QRICH2: variants seen among roughly 807,000 people sequenced by gnomAD.
The protein encoded by QRICH2 is glutamine-rich protein 2.
QRICH2 carries 119 observed loss-of-function variants against 168.3 expected under a neutral mutation model. The ratio of observed to expected loss-of-function variants is 0.71; its 90% CI spans 0.61 to 0.82. QRICH2 has a LOEUF of 0.82. Ranked by LOEUF, QRICH2 falls within the 40% of genes least tolerant of loss-of-function variation. The pLI, the probability that QRICH2 is intolerant of heterozygous loss-of-function variation, is 0.00. For missense variants in QRICH2, 2,241 were observed against 2,491.6 expected, an observed-to-expected ratio of 0.90 and a Z score of 2.14; for synonymous variants, 894 against 951.2, an observed-to-expected ratio of 0.94 and a Z score of 1.11.
intron 4 of QRICH2, among the ~76,000 whole-genome samples, chr17:76,290,518 C>G (rs1381435042): frequency 6.6e-6 from 1 of 152,030 alleles, no homozygotes; most frequent in Non-Finnish European, 1.5e-5. Context: ...GTAGCTGGGA[C>G]TACAGGTGTG....
In QRICH2 at chr17:76,284,168, C is replaced by CA. The variant is rs61553346; in HGVS notation, c.4012-2054dup. ...GGGCAACAGAGCAAAACTCTGTCTC[C>CA]AAAAAAAAAAAAAAAAAAAAAAAAA... On this transcript the variant is annotated intron_variant, in intron 7 of 18. Coordinates refer to ENST00000680821, the MANE Select transcript of QRICH2 (RefSeq NM_001388453.1). 4.2e-3 allele frequency among the ~76,000 whole-genome samples: 263 copies of CA among 62,692 alleles called. 7 individuals are homozygous for CA. Among genetic ancestry groups the CA allele is most frequent in the South Asian group, 9.0e-3 (22 of 2,458 alleles). 41.1% of individuals were successfully genotyped at this position (62,692 alleles called of 152,430 possible).
chr17:76,304,975 T>G (rs766602928), intron 1 of QRICH2, 34 bp from the exon 2 acceptor site: 10 of 1,507,696 alleles, frequency 6.6e-6, no homozygotes, highest in South Asian at 1.1e-5. Flanking sequence ...AGAATGACAG[T>G]GGCCCCTACA....
At chr17:76,300,613 T>A (rs749013622) in intron 3 of QRICH2, among the ~76,000 whole-genome samples, 3 of 152,150 alleles carry the variant, frequency 2.0e-5, no homozygotes, top group Non-Finnish European at 4.4e-5. Context: ...AATTGTGCGG[T>A]GTGCCTGCAT....
At chr17:76,276,894 G>C (rs1407854853) in intron 16 of QRICH2, 127 bp from the exon 17 acceptor site, 1 of 780,524 alleles carries the variant, frequency 1.3e-6, no homozygotes, top group African/African-American at 1.7e-5. Context: ...GGAGGCACTA[G>C]GGTGGAGCGA....
chr17:76,295,963 G>A (rs760251148), intron 3 of QRICH2, among the ~76,000 whole-genome samples: 6 of 152,192 alleles, frequency 3.9e-5, no homozygotes, highest in African/African-American at 1.2e-4. Context: ...AGTGGCTCAC[G>A]CCTGTAATCC....
chr17:76,280,778 TA>T lies in QRICH2; in HGVS notation c.4387-51del, dbSNP rs1186654333. 22 of 1,613,996 alleles carry T rather than the reference TA, an allele frequency of 1.4e-5. No individual in the cohort carries two copies. Among genetic ancestry groups the T allele is most frequent in the Non-Finnish European group, 1.8e-5 (21 of 1,179,942 alleles). On this transcript the variant is annotated intron_variant, in intron 9 of 18. Transcript: ENST00000680821. This position sits in a 1 kb window ranked among gnomAD's most constrained non-coding sequence, Gnocchi z 7.4. ...AAAAAAGAGCCAGCAGCTGCGGGGCTAGGGCACCACATTGAGCCCCGGCCCC... is the reference window on the plus strand; with the variant it reads ...AAAAAAGAGCCAGCAGCTGCGGGGCTGGGCACCACATTGAGCCCCGGCCCC...
chr17:76,285,551 A>G (rs958999411), intron 7 of QRICH2, among the ~76,000 whole-genome samples: 2 of 151,128 alleles, frequency 1.3e-5, no homozygotes, highest in Admixed American at 6.6e-5. Context: ...TACAGGCGTG[A>G]GTCACCGCAG....
In QRICH2 at chr17:76,280,839, CCTT is replaced by C. The variant is rs779755626; in HGVS notation, c.4375_4377del (p.Lys1459del). 1.1e-5 allele frequency: 18 copies of C among 1,613,896 alleles called. No homozygotes were observed. Among genetic ancestry groups the C allele is most frequent in the Non-Finnish European group, 1.4e-5 (17 of 1,180,050 alleles). ...ACCCTGCGGCCGCTCACAGCAATGT[CCTT>C]CTGTTTCTGCCGATGGTCCTCGATG... On this transcript the variant is annotated inframe_deletion, in exon 9 of 19. Coordinates refer to ENST00000680821, the MANE Select transcript of QRICH2 (RefSeq NM_001388453.1). The surrounding 1 kb of genome is among the most constrained non-coding windows in gnomAD (Gnocchi z 7.4).
chr17:76,292,001 AGCTGACCTGCACCAG>A lies in QRICH2; in HGVS notation c.2711_2725del (p.Pro904_Gln908del). 6.2e-7 allele frequency: 1 copy of A among 1,614,118 alleles called. No individual in the cohort carries two copies. The highest frequency in any genetic ancestry group is 8.5e-7 in the Non-Finnish European group (1 of 1,180,016). ...ACCTATTCCAGGCTGCACCATACCC[AGCTGACCTGCACCAG>A]GCTGGACCAAACCAGGCTGATCTGC... On this transcript the variant is annotated inframe_deletion, in exon 4 of 19. Coordinates refer to ENST00000680821, the MANE Select transcript of QRICH2 (RefSeq NM_001388453.1).
At chr17:76,305,808 TAAAC>T (rs912445081) in intron 1 of QRICH2, among the ~76,000 whole-genome samples, 12 of 152,252 alleles carry the variant, frequency 7.9e-5, no homozygotes, top group African/African-American at 2.2e-4. Flanking sequence ...AATATATTAA[TAAAC>T]AAAAATAAAA....
chr17:76,309,227 G>A (rs117711052), upstream of QRICH2, among the ~76,000 whole-genome samples: 6 of 150,100 alleles, frequency 4.0e-5, no homozygotes, highest in South Asian at 2.1e-4. Context: ...ATGGTACCGC[G>A]CATCTGTAAT....
intron 18 of QRICH2, among the ~76,000 whole-genome samples, chr17:76,275,071 G>C (rs1312839650): frequency 6.6e-6 from 1 of 152,168 alleles, no homozygotes; most frequent in African/African-American, 2.4e-5. Context: ...ATCTAGCCGA[G>C]GGGCAGGGGA....
In QRICH2 at chr17:76,308,007, T is replaced by C; in HGVS notation, c.-9A>G. ...GTGGTCGCGGGCGGCATCGTGGCTG[T>C]CAGGAGCTGTGCGCCGCCGCGGGGC... On this transcript the variant is annotated 5_prime_UTR_variant, in exon 1 of 19. Coordinates refer to ENST00000680821, the MANE Select transcript of QRICH2 (RefSeq NM_001388453.1). 1 of 1,232,824 alleles carries C rather than the reference T, an allele frequency of 8.1e-7. No homozygotes were observed. Among genetic ancestry groups the C allele is most frequent in the Middle Eastern group, 3.1e-4 (1 of 3,208 alleles). The allele number at this position is 1,232,824 out of a possible 1,614,324, so 76.4% of individuals were successfully genotyped here. A position where few individuals can be genotyped will look rare whatever the true frequency, so the allele number is the denominator to read the frequency against.
Position 76,293,306 on chromosome 17 carries a change from C to T in QRICH2, c.1421G>A (p.Gly474Asp), listed in dbSNP as rs973596776. The T allele has an allele frequency of 1.2e-6, 2 of 1,613,978 alleles. No homozygotes were observed. Among genetic ancestry groups the T allele is most frequent in the African/African-American group, 1.3e-5 (1 of 74,944 alleles). ...TTGGTCTGTGCCAGGAAATGTCATA[C>T]CATGCTGATATGCACTGACTGAAAC... ...GLVSVSAYQH[G>D]MTFPGTDQRS... Residue 474 changes from glycine to aspartate, a missense_variant, in exon 4 of 19, where the codon GGT becomes GAT. Physicochemically the swap from Gly to Asp is moderately conservative, Grantham distance 94 (BLOSUM62 -1). Transcript: ENST00000680821.
At chr17:76,301,259 G>A (rs925568197) in intron 3 of QRICH2, among the ~76,000 whole-genome samples, 2 of 150,816 alleles carry the variant, frequency 1.3e-5, no homozygotes, top group African/African-American at 4.9e-5. Flanking sequence ...CAACAAATGA[G>A]CCAAAATCTT....
At chr17:76,287,062 ACACACACACACACACACACACACACAT>A in intron 7 of QRICH2, 103 bp downstream of exon 7, 2 of 240,246 alleles carry the variant, frequency 8.3e-6, no homozygotes, top group Admixed American at 5.0e-5. Flanking sequence ...ACACACACAC[ACACACACACACACACACACACACACAT>A]GATGGGAGGG....
chr17:76,282,012 T>C lies in QRICH2; in HGVS notation c.4115A>G (p.Gln1372Arg), dbSNP rs1446468769. 1 of 1,613,482 alleles carries C rather than the reference T, an allele frequency of 6.2e-7. No homozygotes were observed. Among genetic ancestry groups the C allele is most frequent in the Non-Finnish European group, 8.5e-7 (1 of 1,179,826 alleles). Residue 1372 changes from glutamine (Q) to arginine (R), a missense_variant, in exon 8 of 19, where the codon CAG becomes CGG. Physicochemically the swap from Gln to Arg is conservative, Grantham distance 43. Coordinates refer to ENST00000680821, the MANE Select transcript of QRICH2 (RefSeq NM_001388453.1). Reference sequence around the variant, plus strand: ...TGGACAGGTGGCCTCAGGGTCGATCTGGCCAGGAGCCAAGGTGTGGGCCTT... The same window carrying C: ...TGGACAGGTGGCCTCAGGGTCGATCCGGCCAGGAGCCAAGGTGTGGGCCTT... ...PHKAHTLAPG[Q>R]IDPEATCPAC...
chr17:76,287,128 C>T (rs994352149), intron 7 of QRICH2, 64 bp downstream of exon 7: 2 of 1,066,250 alleles, frequency 1.9e-6, no homozygotes, highest in African/African-American at 3.2e-5. Context: ...GGTGGGAGGG[C>T]AGGGCCAAGC....
rs755681509 is a variant in QRICH2, at chr17:76,282,057, G to C, written c.4070C>G (p.Ser1357Cys). ...GGCCTTGTGCGGGGCCATGCTCATG[G>C]ACAGGAGCGTGGAGGAGGAGGTCAG... Reference protein sequence around the residue: ...SMLTSSSTLLSMSMAPHKAHT... With the variant: ...SMLTSSSTLLCMSMAPHKAHT... The change falls in exon 8 of 19, where the codon TCC becomes TGC. Residue 1357 changes from serine (S) to cysteine (C), a missense_variant. Physicochemically the swap from Ser to Cys is moderately radical, Grantham distance 112. This residue lies in a region of QRICH2 where 2,047 missense variants were observed against 2,303.8 expected (regional missense o/e 0.89). Coordinates refer to ENST00000680821, the MANE Select transcript of QRICH2 (RefSeq NM_001388453.1). The C allele has an allele frequency of 6.2e-7, 1 of 1,612,914 alleles. No individual in the cohort carries two copies. The highest frequency in any genetic ancestry group is 1.7e-4 in the Middle Eastern group (1 of 6,052).
Sources: allele counts gnomAD v4.1 joint callset (sites outside exome capture counted in the v4.1 genomes callset), GRCh38; gene constraint gnomAD v4.1.1; regional missense constraint gnomAD v4.1.1; non-coding constraint Gnocchi (gnomAD v3.1); transcripts MANE v1.5; gene names NCBI Gene and HGNC (gene_info 2026-07-23, HGNC 2026-07-21).